MKLN1: variants seen among roughly 807,000 people sequenced by gnomAD.
The protein encoded by MKLN1 is muskelin 1.
Under a neutral mutation model 99.0 loss-of-function variants are expected in MKLN1, and 18 were observed. The observed-to-expected ratio is 0.18, with a 90% CI of 0.13 to 0.27. The LOEUF (loss-of-function observed/expected upper bound fraction) is 0.27, where lower values mean the gene tolerates loss of function less well. Ranked by LOEUF, MKLN1 falls within the 10% of genes least tolerant of loss-of-function variation. The pLI, the probability that MKLN1 is intolerant of heterozygous loss-of-function variation, is 1.00. For synonymous variants in MKLN1, 288 were observed against 293.2 expected (o/e 0.98, Z 0.18); for missense variants, 621 against 875.9 (o/e 0.71, Z 3.67).
chr7:131,171,992 A>G (rs1796222499), intron 2 of MKLN1, among the ~76,000 whole-genome samples: 1 of 152,176 alleles, frequency 6.6e-6, no homozygotes, highest in East Asian at 1.9e-4. Flanking sequence ...TAGCAGGTAG[A>G]TTGGGGCCAG....
At position 131,191,101 on chromosome 7, in the gene MKLN1, G is replaced by A. The variant is rs149808600; in HGVS notation, c.-296-11756G>A. The stretch of plus-strand genomic sequence containing the variant: ...GTCTTCATCAGTATAAGGTCAGCTC[G>A]CCTTGGGTAGCAAAACACTGCCTAA... On this transcript the variant is annotated intron_variant, in intron 2 of 7. Coordinates refer to the MKLN1 transcript ENST00000416992. Among the ~76,000 whole-genome samples the A allele has an allele frequency of 1.4e-3, 212 of 152,304 alleles. 1 individual carries two copies. The highest frequency in any genetic ancestry group is 4.5e-3 in the African/African-American group (187 of 41,556).
rs147838139 is a variant in MKLN1, at chr7:131,449,869, C to T, written c.1525+3966C>T. On this transcript the variant is annotated intron_variant, in intron 12 of 17. Coordinates refer to ENST00000352689, the MANE Select transcript of MKLN1 (RefSeq NM_013255.5). ...CCTAATGTCTCAGCTTTTGCTTCCACATTTGTAAATGACCCAAATTAGATT... is the reference window on the plus strand; with the variant it reads ...CCTAATGTCTCAGCTTTTGCTTCCATATTTGTAAATGACCCAAATTAGATT... Among the ~76,000 whole-genome samples the T allele has an allele frequency of 2.5e-3, 384 of 152,288 alleles. 2 individuals carry two copies. Among genetic ancestry groups the T allele is most frequent in the African/African-American group, 8.8e-3 (365 of 41,550 alleles).
At chr7:131,305,572 T>C (rs142142099) in intron 3 of MKLN1, among the ~76,000 whole-genome samples, 1 of 152,210 alleles carries the variant, frequency 6.6e-6, no homozygotes, top group South Asian at 2.1e-4. Flanking sequence ...TGGGGGTGAC[T>C]CTTCATCACT....
chr7:131,127,159 C>T (rs1045760007), intron 1 of MKLN1, among the ~76,000 whole-genome samples: 4 of 76,372 alleles, frequency 5.2e-5, no homozygotes, highest in African/African-American at 1.9e-4. Context: ...GAGCAAAACT[C>T]CATCTCAAAA....
rs116197487 is a variant in MKLN1 at position 131,185,842 on chromosome 7, A to G, written c.-296-17015A>G. 5.3e-3 allele frequency among the ~76,000 whole-genome samples: 808 copies of G among 152,322 alleles called. 4 individuals carry two copies. The highest frequency in any genetic ancestry group is 0.019 in the African/African-American group (772 of 41,566). On this transcript the variant is annotated intron_variant, in intron 2 of 7. Coordinates refer to the MKLN1 transcript ENST00000416992. ...ATGTAAAGAGCTTAGAACATGGCCTAGCACGTATTTTGTACCATGTAAGTG... is the reference window on the plus strand; with the variant it reads ...ATGTAAAGAGCTTAGAACATGGCCTGGCACGTATTTTGTACCATGTAAGTG...
chr7:131,185,611 C>T (rs1286876872), intron 2 of MKLN1, among the ~76,000 whole-genome samples: 2 of 151,886 alleles, frequency 1.3e-5, no homozygotes, highest in Admixed American at 6.6e-5. Flanking sequence ...ATTACTTTCC[C>T]AGGAGTAGAA....
chr7:131,353,247 T>C (rs886517108), intron 1 of MKLN1, among the ~76,000 whole-genome samples: 20 of 152,138 alleles, frequency 1.3e-4, no homozygotes, highest in Admixed American at 1.3e-4. Context: ...GGATCCAGTT[T>C]CTCTGAATCC....
intron 10 of MKLN1, among the ~76,000 whole-genome samples, chr7:131,441,804 G>A (rs764154757): frequency 6.6e-6 from 1 of 152,152 alleles, no homozygotes; most frequent in African/African-American, 2.4e-5. Context: ...TAGGGGGTTG[G>A]TAACAAAGAT....
intron 2 of MKLN1, among the ~76,000 whole-genome samples, chr7:131,147,099 C>G (rs1006418838): frequency 6.6e-6 from 1 of 151,964 alleles, no homozygotes; most frequent in Non-Finnish European, 1.5e-5. Flanking sequence ...CCCTCTGTTG[C>G]CCAGGCTGGA....
At chr7:131,417,373 T>C (rs1795050257) in intron 8 of MKLN1, among the ~76,000 whole-genome samples, 1 of 152,244 alleles carries the variant, frequency 6.6e-6, no homozygotes, top group African/African-American at 2.4e-5. Flanking sequence ...TTATTCGTTA[T>C]GAATTCTGGG....
intron 2 of MKLN1, among the ~76,000 whole-genome samples, chr7:131,174,128 G>A (rs172904): frequency 0.37 from 55,737 of 151,220 alleles, 10,671 homozygotes; most frequent in East Asian, 0.62. Flanking sequence ...GCCCGCCACC[G>A]CACCCGGCTA....
chr7:131,365,755 G>A (rs1411628621), intron 1 of MKLN1, among the ~76,000 whole-genome samples: 1 of 152,056 alleles, frequency 6.6e-6, no homozygotes, highest in East Asian at 1.9e-4. Flanking sequence ...GATGATCGTA[G>A]GTATGTGGCC....
At chr7:131,263,713 G>A (rs1797768258) in intron 3 of MKLN1, among the ~76,000 whole-genome samples, 1 of 151,954 alleles carries the variant, frequency 6.6e-6, no homozygotes, top group African/African-American at 2.4e-5. Context: ...GGGACTACAG[G>A]TGTGTGCCAC....
At position 131,254,818 on chromosome 7, in the gene MKLN1, T is replaced by C. The variant is rs145691032; in HGVS notation, c.-179+51844T>C. On this transcript the variant is annotated intron_variant, in intron 3 of 7. Transcript: ENST00000416992. ...GGAATGTGAAATACCATTAAACACA[T>C]CAACATCTGCATAATGGGGTTACCA... 4.0e-3 allele frequency among the ~76,000 whole-genome samples: 599 copies of C among 151,276 alleles called. 1 individual carries two copies. The highest frequency in any genetic ancestry group is 6.0e-3 in the Non-Finnish European group (407 of 67,868).
intron 7 of MKLN1, among the ~76,000 whole-genome samples, chr7:131,414,183 A>T (rs1427204682): frequency 1.3e-5 from 2 of 152,208 alleles, no homozygotes. Flanking sequence ...TAATATCATT[A>T]ATATAAAACT....
At chr7:131,464,612 G>A (rs1320683532) in intron 14 of MKLN1, among the ~76,000 whole-genome samples, 1 of 152,104 alleles carries the variant, frequency 6.6e-6, no homozygotes, top group Admixed American at 6.5e-5. Flanking sequence ...TGTAATTCTT[G>A]GTACTTTTCC....
intron 2 of MKLN1, among the ~76,000 whole-genome samples, chr7:131,156,307 C>T (rs1243807673): frequency 1.3e-5 from 2 of 152,004 alleles, no homozygotes; most frequent in Non-Finnish European, 2.9e-5. Context: ...GCAGGTGGAT[C>T]ACGAGGTCAG....
At chr7:131,222,140 C>T (rs1023718084) in intron 3 of MKLN1, among the ~76,000 whole-genome samples, 4 of 152,056 alleles carry the variant, frequency 2.6e-5, no homozygotes, top group Non-Finnish European at 4.4e-5. Context: ...GTGATCTGCC[C>T]ACCTCGGCCT....
intron 3 of MKLN1, among the ~76,000 whole-genome samples, chr7:131,235,845 A>G (rs1797313706): frequency 6.6e-6 from 1 of 152,172 alleles, no homozygotes; most frequent in Non-Finnish European, 1.5e-5. Flanking sequence ...CTACAATTCT[A>G]TGACGTCCAT....
Sources: gnomAD v4.1 joint callset for allele counts (sites outside exome capture counted in the v4.1 genomes callset) on GRCh38, gnomAD v4.1.1 for gene constraint, MANE v1.5 for transcripts, NCBI Gene and HGNC (gene_info 2026-07-23, HGNC 2026-07-21) for gene names.